Variants in SORCS3 observed in about 807,000 individuals in gnomAD.
The protein encoded by SORCS3 is VPS10 domain-containing receptor SorCS3.
In SORCS3, 57 loss-of-function variants were observed where a neutral mutation model predicts 146.3. That is an observed-to-expected ratio of 0.39 (90% confidence interval 0.31 to 0.49). SORCS3 has a LOEUF of 0.49. Among genes scored for constraint, SORCS3 ranks in the 20% least tolerant of loss-of-function variants. The probability of loss-of-function intolerance (pLI) is 0.92; values close to 1 mark genes in which losing one functional copy is unlikely to be tolerated. For missense variants in SORCS3, 1,341 were observed against 1,575.5 expected, an observed-to-expected ratio of 0.85 and a Z score of 2.52; for synonymous variants, 653 against 618.5, an observed-to-expected ratio of 1.06 and a Z score of -0.83.
rs2055507236 is a variant in SORCS3 at position 105,064,285 on chromosome 10, C to G, written c.1028+21157C>G. Among the ~76,000 whole-genome samples the G allele has an allele frequency of 2.6e-5, 4 of 152,090 alleles. No individual in the cohort carries two copies. The South Asian group carries it at 8.3e-4, about 32-fold the overall frequency. On this transcript the variant is annotated intron_variant, in intron 5 of 26. Transcript: ENST00000369701. ...GTAAAACCAAGGGATCTAGTGTAGA[C>G]TGGAACTCCGAAAGGCCTTCCTTAA...
chr10:105,204,700 C>CAA (rs11386103), intron 16 of SORCS3, among the ~76,000 whole-genome samples: 2,154 of 146,306 alleles, frequency 0.015, 16 homozygotes, highest in Non-Finnish European at 0.02. Flanking sequence ...AGAACACAAA[C>CAA]AAAAAAAAAA....
rs773530859 is a variant in SORCS3, at chr10:105,214,596, A to G, written c.2530A>G (p.Ile844Val). Reference sequence around the variant, plus strand: ...AGAGCAGGGGCACAATGCAACTTTCATCATCCTCATGGAGGAGGTAGGTGC... The same window carrying G: ...AGAGCAGGGGCACAATGCAACTTTCGTCATCCTCATGGAGGAGGTAGGTGC... The part of the protein sequence containing the change: ...VAEQGHNATF[I>V]ILMEEGDLQR... Residue 844 changes from isoleucine to valine, a missense_variant, in exon 18 of 27, where the codon ATC becomes GTC. Coordinates refer to ENST00000369701, the MANE Select transcript of SORCS3 (RefSeq NM_014978.3). The G allele has an allele frequency of 3.0e-5, 48 of 1,591,690 alleles. No individual in the cohort carries two copies. The highest frequency in any genetic ancestry group is 3.8e-5 in the Non-Finnish European group (44 of 1,168,600).
chr10:105,064,748 A>C (rs909566612), intron 5 of SORCS3, among the ~76,000 whole-genome samples: 11 of 144,352 alleles, frequency 7.6e-5, no homozygotes, highest in Admixed American at 6.2e-4. Context: ...AAAGGGAGAG[A>C]GAAAGAATTC....
intron 9 of SORCS3, among the ~76,000 whole-genome samples, chr10:105,149,819 G>A (rs369602429): frequency 1.0e-3 from 154 of 152,240 alleles, no homozygotes; most frequent in African/African-American, 3.6e-3. Flanking sequence ...ATTTACAACA[G>A]TGTGACACAG....
intron 1 of SORCS3, among the ~76,000 whole-genome samples, chr10:104,779,708 G>A (rs904920616): frequency 1.3e-5 from 2 of 152,040 alleles, no homozygotes; most frequent in African/African-American, 4.8e-5. Context: ...CCTTTTCCAC[G>A]TGGTGCAGTG....
At chr10:104,822,156 C>T (rs1042243733) in intron 1 of SORCS3, 5 of 509,086 alleles carry the variant, frequency 9.8e-6, no homozygotes, top group Non-Finnish European at 1.9e-5. Flanking sequence ...GTTTCTGTAT[C>T]TGTATCTGAC....
At chr10:104,660,814 C>G (rs1444030829) in intron 1 of SORCS3, among the ~76,000 whole-genome samples, 1 of 152,124 alleles carries the variant, frequency 6.6e-6, no homozygotes, top group Non-Finnish European at 1.5e-5. Context: ...TCCAGAGATG[C>G]CTATTTCCTG....
chr10:104,822,500 T>G (rs1053556289), intron 1 of SORCS3, among the ~76,000 whole-genome samples: 2 of 152,182 alleles, frequency 1.3e-5, no homozygotes, highest in African/African-American at 4.8e-5. Context: ...CTAGGCTACA[T>G]GAGAGAGGGC....
intron 3 of SORCS3, among the ~76,000 whole-genome samples, chr10:104,956,901 C>T (rs1447736127): frequency 6.6e-6 from 1 of 152,108 alleles, no homozygotes; most frequent in Non-Finnish European, 1.5e-5. Context: ...AAAATGAATA[C>T]CCTGGAGCTA....
chr10:104,773,729 A>G (rs932380870), intron 1 of SORCS3, among the ~76,000 whole-genome samples: 2 of 152,234 alleles, frequency 1.3e-5, no homozygotes, highest in African/African-American at 4.8e-5. Flanking sequence ...GAAAGGATGT[A>G]CATGAGAAAG....
chr10:104,761,245 C>T (rs4918126), intron 1 of SORCS3, among the ~76,000 whole-genome samples: 119,623 of 152,122 alleles, frequency 0.79, 47,287 homozygotes, highest in East Asian at 0.94. Context: ...AATGACATTA[C>T]TACAGTGGCA....
At chr10:104,736,531 C>G (rs2016774944) in intron 1 of SORCS3, among the ~76,000 whole-genome samples, 1 of 152,160 alleles carries the variant, frequency 6.6e-6, no homozygotes, top group Non-Finnish European at 1.5e-5. Flanking sequence ...AAATTGACAT[C>G]AATGAATTTA....
chr10:104,662,029 A>G (rs2015709073), intron 1 of SORCS3, among the ~76,000 whole-genome samples: 1 of 152,146 alleles, frequency 6.6e-6, no homozygotes, highest in South Asian at 2.1e-4. Context: ...GGAGGTTATT[A>G]CTATCTCTCT....
At chr10:105,032,773 T>C (rs1264981086) in intron 4 of SORCS3, among the ~76,000 whole-genome samples, 33 of 152,066 alleles carry the variant, frequency 2.2e-4, no homozygotes, top group Non-Finnish European at 5.9e-5. Flanking sequence ...AATCTGAACC[T>C]GGAAAATAAT....
chr10:105,110,231 G>A (rs542230344), intron 7 of SORCS3, among the ~76,000 whole-genome samples: 14 of 149,582 alleles, frequency 9.4e-5, no homozygotes, highest in East Asian at 3.9e-4. Context: ...TCTTTCTCTC[G>A]TATCAACATA....
At chr10:104,660,591 G>T (rs567552858) in intron 1 of SORCS3, among the ~76,000 whole-genome samples, 7 of 152,138 alleles carry the variant, frequency 4.6e-5, no homozygotes, top group African/African-American at 1.7e-4. Flanking sequence ...TAGGGAAAAT[G>T]GTCTAATACT....
At chr10:104,804,857 G>A (rs1237266397) in intron 1 of SORCS3, among the ~76,000 whole-genome samples, 1 of 152,202 alleles carries the variant, frequency 6.6e-6, no homozygotes, top group Non-Finnish European at 1.5e-5. Context: ...GCTGGTTGGT[G>A]TGAGCCTCCT....
chr10:104,660,688 G>A (rs530180585), intron 1 of SORCS3, among the ~76,000 whole-genome samples: 1 of 152,270 alleles, frequency 6.6e-6, no homozygotes, highest in Non-Finnish European at 1.5e-5. Flanking sequence ...GGATGGTTTG[G>A]GAAGGCGTTT....
intron 3 of SORCS3, among the ~76,000 whole-genome samples, chr10:104,924,745 G>A (rs1265635110): frequency 6.6e-6 from 1 of 152,150 alleles, no homozygotes; most frequent in African/African-American, 2.4e-5. Flanking sequence ...TTCTCAATTT[G>A]TAAAATGGGG....
Sources: gnomAD v4.1 joint callset for allele counts (sites outside exome capture counted in the v4.1 genomes callset) on GRCh38, gnomAD v4.1.1 for gene constraint, MANE v1.5 for transcripts, NCBI Gene and HGNC (gene_info 2026-07-23, HGNC 2026-07-21) for gene names.